ARFGEF3: variants seen among roughly 807,000 people sequenced by gnomAD.
ARFGEF3 encodes brefeldin A-inhibited guanine nucleotide-exchange protein 3.
A neutral mutation model predicts 221.7 loss-of-function variants in ARFGEF3; 96 were observed. The ratio of observed to expected loss-of-function variants is 0.43; its 90% CI spans 0.37 to 0.51. ARFGEF3 has a LOEUF of 0.51. Ranked by LOEUF, ARFGEF3 falls within the 20% of genes least tolerant of loss-of-function variation. ARFGEF3 has a pLI of 0.00. For missense variants in ARFGEF3, 2,410 were observed against 2,789.9 expected, an observed-to-expected ratio of 0.86 and a Z score of 3.07; for synonymous variants, 1,145 against 1,126.8, an observed-to-expected ratio of 1.02 and a Z score of -0.32.
intron 13 of ARFGEF3, among the ~76,000 whole-genome samples, chr6:138,278,926 CAT>C (rs565509526): frequency 2.4e-3 from 360 of 152,296 alleles, no homozygotes; most frequent in Non-Finnish European, 3.7e-3. Flanking sequence ...CATTATTAAA[CAT>C]GTGTATAAAA....
At chr6:138,336,260 GA>G (rs1780319565) in intron 33 of ARFGEF3, 34 bp from the exon 34 acceptor site, 2 of 1,452,502 alleles carry the variant, frequency 1.4e-6, no homozygotes, top group Admixed American at 2.3e-5. Context: ...AACCAGGGGG[GA>G]AAGCCACTGA....
chr6:138,164,165 C>T (rs770744826), intron 1 of ARFGEF3, among the ~76,000 whole-genome samples: 1 of 152,330 alleles, frequency 6.6e-6, no homozygotes, highest in African/African-American at 2.4e-5. Flanking sequence ...CTTTCCCACT[C>T]CAGTCCATTT....
intron 12 of ARFGEF3, among the ~76,000 whole-genome samples, chr6:138,277,085 A>G (rs1214509341): frequency 6.6e-6 from 1 of 152,232 alleles, no homozygotes; most frequent in African/African-American, 2.4e-5. Context: ...TTGTATTCAC[A>G]GTGTTGTGCA....
chr6:138,211,848 C>T (rs1777733672), intron 4 of ARFGEF3, among the ~76,000 whole-genome samples: 2 of 152,150 alleles, frequency 1.3e-5, no homozygotes, highest in Admixed American at 1.3e-4. Context: ...GCTAGCCTTG[C>T]CGAAGATAGG....
chr6:138,321,324 T>A (rs1780022953), intron 29 of ARFGEF3, 99 bp downstream of exon 29: 4 of 665,702 alleles, frequency 6.0e-6, no homozygotes, highest in Non-Finnish European at 1.0e-5. Flanking sequence ...ACTTTTTGGA[T>A]TGCTTTCTGT....
chr6:138,291,297 T>C lies in ARFGEF3; in HGVS notation c.3048-436T>C, dbSNP rs1339807884. On this transcript the variant is annotated intron_variant, in intron 18 of 33. Transcript: ENST00000251691. This position sits in a 1 kb window ranked among gnomAD's most constrained non-coding sequence, Gnocchi z 4.5. The stretch of plus-strand genomic sequence containing the variant: ...CTGTGGCTAGTTGGCCTCTCCGTCA[T>C]AGGTATAGCCATTCTGGGATCCCAT... Among the ~76,000 whole-genome samples the C allele has an allele frequency of 6.6e-6, 1 of 152,086 alleles. No homozygotes were observed. The highest frequency in any genetic ancestry group is 1.5e-5 in the Non-Finnish European group (1 of 68,012).
intron 4 of ARFGEF3, among the ~76,000 whole-genome samples, chr6:138,222,659 G>A (rs1562359110): frequency 1.3e-5 from 2 of 152,158 alleles, no homozygotes; most frequent in African/African-American, 4.8e-5. Context: ...GAATAGTGCT[G>A]AGATTGAAAA....
intron 12 of ARFGEF3, among the ~76,000 whole-genome samples, chr6:138,270,729 G>A (rs979162853): frequency 6.6e-6 from 1 of 152,240 alleles, no homozygotes; most frequent in African/African-American, 2.4e-5. Context: ...TCTGGTCAGA[G>A]TGGGCCATCT....
chr6:138,300,703 C>T (rs1194881764), intron 22 of ARFGEF3, among the ~76,000 whole-genome samples: 6 of 152,210 alleles, frequency 3.9e-5, no homozygotes, highest in Non-Finnish European at 8.8e-5. Flanking sequence ...GACGGGGAAG[C>T]TCAGCAAAAT....
intron 22 of ARFGEF3, among the ~76,000 whole-genome samples, chr6:138,303,104 G>A (rs1442272657): frequency 1.3e-5 from 2 of 152,152 alleles, no homozygotes; most frequent in Non-Finnish European, 2.9e-5. Flanking sequence ...CAGAAAGGAG[G>A]GATGGGAAAT....
intron 28 of ARFGEF3, among the ~76,000 whole-genome samples, chr6:138,320,433 G>T (rs1431732959): frequency 2.0e-5 from 3 of 152,234 alleles, no homozygotes; most frequent in Non-Finnish European, 4.4e-5. Flanking sequence ...AGCAGATGGA[G>T]AGGGACCTAG....
Position 138,262,824 on chromosome 6 carries a change from C to G in ARFGEF3, c.1341C>G (p.Ser447Arg). 1 of 1,614,000 alleles carries G rather than the reference C, an allele frequency of 6.2e-7. No homozygotes were observed. Residue 447 changes from serine (S) to arginine (R), a missense_variant, in exon 12 of 34, where the codon AGC becomes AGG. By Grantham distance (110) the Ser-to-Arg change is moderately radical (BLOSUM62 -1). Coordinates refer to ENST00000251691, the MANE Select transcript of ARFGEF3 (RefSeq NM_020340.5). ...AGCTCAGCCAGGGGAAGGGCTTGAG[C>G]GAAGGTCAGGTGCAACTGCTGCTTC... ...LDELSQGKGL[S>R]EGQVQLLLLR... is the part of the protein sequence containing the mutation.
chr6:138,335,031 C>T lies in ARFGEF3; in HGVS notation c.6185C>T (p.Pro2062Leu), dbSNP rs755694062. 9 of 1,593,638 alleles carry T rather than the reference C, an allele frequency of 5.6e-6. No individual in the cohort carries two copies. Among genetic ancestry groups the T allele is most frequent in the East Asian group, 2.3e-5 (1 of 43,742 alleles). The change falls in exon 33 of 34, where the codon CCG (proline) becomes CTG (leucine). Residue 2062 changes from proline (P) to leucine (L), a missense_variant. This residue lies in a region of ARFGEF3 where 339 missense variants were observed against 334.9 expected (regional missense o/e 1.01). Coordinates refer to ENST00000251691, the MANE Select transcript of ARFGEF3 (RefSeq NM_020340.5). ...CTGGGTCCCAGGGGCCAGGACTCCC[C>T]GCTGCTTCAGCGTCCCCAGCACTTG... ...EPLGPRGQDS[P>L]LLQRPQHLMD...
At position 138,294,108 on chromosome 6, in the gene ARFGEF3, T is replaced by G. The variant is rs373204150; in HGVS notation, c.3484T>G (p.Tyr1162Asp). ...CCATTCTGTTACAGATACAGTTGATTACTCTCTGGCAATGCCAGGTAATTC... is the reference window on the plus strand; with the variant it reads ...CCATTCTGTTACAGATACAGTTGATGACTCTCTGGCAATGCCAGGTAATTC... ...LFHSVTDTVD[Y>D]SLAMPGEVKS... Residue 1162 changes from tyrosine (Y) to aspartate (D), a missense_variant, in exon 20 of 34, where the codon TAC becomes GAC. Physicochemically the swap from Tyr to Asp is radical, Grantham distance 160. This residue lies in a region of ARFGEF3 where 723 missense variants were observed against 991.9 expected (regional missense o/e 0.73). Transcript: ENST00000251691. The G allele has an allele frequency of 2.5e-6, 4 of 1,613,806 alleles. No individual in the cohort carries two copies. The highest frequency in any genetic ancestry group is 3.4e-6 in the Non-Finnish European group (4 of 1,179,842).
chr6:138,323,387 A>G (rs1465870886), intron 29 of ARFGEF3, among the ~76,000 whole-genome samples: 1 of 152,144 alleles, frequency 6.6e-6, no homozygotes, highest in Non-Finnish European at 1.5e-5. Context: ...CGAGGTGGGT[A>G]GATCACCTGA....
At position 138,162,101 on chromosome 6, in the gene ARFGEF3, G is replaced by A; in HGVS notation, c.15G>A (p.Leu5=). The part of the protein sequence containing the change: MEEI[L]RKLQKEASGS... Reference sequence around the variant, plus strand: ...GGAAGGTCAAGATGGAAGAAATCCTGAGGAAGCTGCAGAAGGAGGCGTCCG... The same window carrying A: ...GGAAGGTCAAGATGGAAGAAATCCTAAGGAAGCTGCAGAAGGAGGCGTCCG... Residue 5 remains leucine, a synonymous_variant, in exon 1 of 34, where the codon CTG becomes CTA. Transcript: ENST00000251691. The surrounding 1 kb of genome is among the most constrained non-coding windows in gnomAD (Gnocchi z 4.7). 6.2e-7 allele frequency: 1 copy of A among 1,601,766 alleles called. No individual in the cohort carries two copies. Among genetic ancestry groups the A allele is most frequent in the Non-Finnish European group, 8.5e-7 (1 of 1,173,848 alleles).
intron 1 of ARFGEF3, 76 bp from the exon 2 acceptor site, chr6:138,170,586 A>G (rs1776808496): frequency 1.3e-6 from 1 of 786,904 alleles, no homozygotes; most frequent in Non-Finnish European, 2.1e-6. Context: ...AAGAGAAACT[A>G]ACAGAGAAAT....
At chr6:138,225,992 T>TA (rs1376731781) in intron 4 of ARFGEF3, among the ~76,000 whole-genome samples, 1 of 152,210 alleles carries the variant, frequency 6.6e-6, no homozygotes, top group Non-Finnish European at 1.5e-5. Context: ...GGTAAAGGGC[T>TA]AGAGGACATA....
chr6:138,280,097 G>T lies in ARFGEF3; in HGVS notation c.2394G>T (p.Met798Ile). 2 of 1,613,958 alleles carry T rather than the reference G, an allele frequency of 1.2e-6. No homozygotes were observed. The highest frequency in any genetic ancestry group is 1.7e-6 in the Non-Finnish European group (2 of 1,179,822). ...ELYHQVLDRN[M>I]LGEAGYWGSP... ...ACCATCAGGTGCTCGACAGGAACAT[G>T]CTTGGAGAGGCTGGCTATTGGGGCA... Residue 798 changes from methionine (M) to isoleucine (I), a missense_variant, in exon 14 of 34, where the codon ATG (methionine) becomes ATT (isoleucine). By Grantham distance (10) the Met-to-Ile change is conservative. Coordinates refer to ENST00000251691, the MANE Select transcript of ARFGEF3 (RefSeq NM_020340.5).
Sources: allele counts gnomAD v4.1 joint callset (sites outside exome capture counted in the v4.1 genomes callset), GRCh38; gene constraint gnomAD v4.1.1; regional missense constraint gnomAD v4.1.1; non-coding constraint Gnocchi (gnomAD v3.1); transcripts MANE v1.5; gene names NCBI Gene and HGNC (gene_info 2026-07-23, HGNC 2026-07-21).